Variants in UBN1 observed in about 807,000 individuals in gnomAD.
UBN1 encodes ubinuclein-1.
UBN1 carries 17 observed loss-of-function variants against 108.5 expected under a neutral mutation model. The observed-to-expected ratio is 0.16, with a 90% CI of 0.11 to 0.24. The LOEUF is 0.24. Ranked by LOEUF, UBN1 falls within the 10% of genes least tolerant of loss-of-function variation. UBN1 has a pLI of 1.00. For synonymous variants in UBN1, 726 were observed against 564.2 expected (o/e 1.29, Z -4.07); for missense variants, 1,595 against 1,394.4 (o/e 1.14, Z -2.29).
intron 10 of UBN1, 94 bp from the exon 11 acceptor site, chr16:4,870,750 C>A (rs2087589554): frequency 1.3e-6 from 2 of 1,590,162 alleles, no homozygotes; most frequent in African/African-American, 2.7e-5. Flanking sequence ...TTGGCCTTTT[C>A]TCCTTCTCTG....
intron 12 of UBN1, chr16:4,872,321 A>G (rs916755078): frequency 5.1e-6 from 5 of 985,300 alleles, no homozygotes; most frequent in Admixed American, 6.2e-5. Context: ...AAGCATCACC[A>G]TGAGAGGTTT....
chr16:4,866,652 A>C (rs567737173), intron 7 of UBN1, among the ~76,000 whole-genome samples: 5 of 152,234 alleles, frequency 3.3e-5, no homozygotes, highest in Non-Finnish European at 7.3e-5. Flanking sequence ...AGTTGGGACC[A>C]CAGGCATGCA....
At position 4,848,416 on chromosome 16, in the gene UBN1, G is replaced by C. The variant is rs542740611; in HGVS notation, c.-40+206G>C. The C allele has an allele frequency of 3.9e-5, 6 of 152,418 alleles. No homozygotes were observed. In the East Asian group the frequency reaches 7.7e-4, roughly 20 times the overall value. 9.4% of individuals were successfully genotyped at this position (152,418 alleles called of 1,614,324 possible). A position where few individuals can be genotyped will look rare whatever the true frequency, so the allele number is the denominator to read the frequency against. ...CAGGTAGAATCACAATTTTGCAAAA[G>C]ATCCCAGTCCCGATCACAGACTCCA... On this transcript the variant is annotated intron_variant, in intron 1 of 17. Coordinates refer to ENST00000262376, the MANE Select transcript of UBN1 (RefSeq NM_001079514.3).
chr16:4,868,956 T>C (rs1396545252), intron 8 of UBN1, 53 bp downstream of exon 8: 11 of 1,603,052 alleles, frequency 6.9e-6, no homozygotes, highest in South Asian at 4.5e-5. Context: ...ATTACTGAGC[T>C]TGGGGCAAGC....
intron 2 of UBN1, among the ~76,000 whole-genome samples, chr16:4,853,753 C>T (rs1180299242): frequency 6.6e-6 from 1 of 151,870 alleles, no homozygotes; most frequent in East Asian, 1.9e-4. Context: ...GTAGAGATGG[C>T]GTTTCACTGT....
At position 4,868,829 on chromosome 16, in the gene UBN1, C is replaced by A; in HGVS notation, c.1111-4C>A. 6.2e-7 allele frequency: 1 copy of A among 1,613,554 alleles called. No individual in the cohort carries two copies. The highest frequency in any genetic ancestry group is 8.5e-7 in the Non-Finnish European group (1 of 1,179,740). ...AACGGCTGTTACTGTCTGCTGTGCA[C>A]CAGGCTGCCAGAGCTGCTGAGGGGG... is the stretch of plus-strand genomic sequence containing the variant. On this transcript the variant is annotated splice_region_variant and splice_polypyrimidine_tract_variant and intron_variant, in intron 7 of 17. Coordinates refer to ENST00000262376, the MANE Select transcript of UBN1 (RefSeq NM_001079514.3).
chr16:4,873,184 C>T (rs900408941), intron 14 of UBN1, 111 bp downstream of exon 14: 2 of 1,444,092 alleles, frequency 1.4e-6, no homozygotes, highest in Middle Eastern at 1.9e-4. Flanking sequence ...CGTCTGGGGA[C>T]AGCTGCTCAG....
At chr16:4,859,674 G>A (rs2086971085) in intron 5 of UBN1, among the ~76,000 whole-genome samples, 191 bp from the exon 6 acceptor site, 2 of 152,182 alleles carry the variant, frequency 1.3e-5, no homozygotes. Flanking sequence ...AGCCCTGGGT[G>A]TTTCCAGGAG....
rs554792330 is a variant in UBN1, at chr16:4,877,785, T to A, written c.3355+311T>A. The A allele has an allele frequency of 1.2e-5, 13 of 1,107,206 alleles. No individual in the cohort carries two copies. The South Asian group carries it at 5.0e-4, about 43-fold the overall frequency. 68.6% of individuals were successfully genotyped at this position (1,107,206 alleles called of 1,614,324 possible). On this transcript the variant is annotated intron_variant, in intron 17 of 17. Coordinates refer to ENST00000262376, the MANE Select transcript of UBN1 (RefSeq NM_001079514.3). The surrounding 1 kb of genome is among the most constrained non-coding windows in gnomAD (Gnocchi z 4.3). ...GAGTTCCTAACCCTCGGCTTGTTTT[T>A]TTCTCTTCAGTTTAAAAAAAAAAAA...
At position 4,851,333 on chromosome 16, in the gene UBN1, C is replaced by G. The variant is rs143168311; in HGVS notation, c.-39-1546C>G. On this transcript the variant is annotated intron_variant, in intron 1 of 17. Transcript: ENST00000262376. ...TACAAAAATTAGCACGCCTGTAGTTCCAACTACTAGGGAGGCTGAGGTAGG... is the reference window on the plus strand; with the variant it reads ...TACAAAAATTAGCACGCCTGTAGTTGCAACTACTAGGGAGGCTGAGGTAGG... Among the ~76,000 whole-genome samples, 336 of 152,232 alleles carry G rather than the reference C, an allele frequency of 2.2e-3. 2 individuals are homozygous for G. Among genetic ancestry groups the G allele is most frequent in the African/African-American group, 7.7e-3 (321 of 41,544 alleles).
At position 4,877,333 on chromosome 16, in the gene UBN1, C is replaced by G. The variant is rs940665386; in HGVS notation, c.3266-52C>G. The G allele has an allele frequency of 6.3e-7, 1 of 1,575,156 alleles. No homozygotes were observed. The highest frequency in any genetic ancestry group is 1.8e-5 in the Admixed American group (1 of 56,648). ...GGCTGCTGGAGCTGCTTTCCTGTTC[C>G]TGTCTTCAATGTGTGTGTTTTGTTC... On this transcript the variant is annotated intron_variant, in intron 16 of 17. Coordinates refer to ENST00000262376, the MANE Select transcript of UBN1 (RefSeq NM_001079514.3). This position sits in a 1 kb window ranked among gnomAD's most constrained non-coding sequence, Gnocchi z 4.3.
At chr16:4,850,329 G>T (rs576738436) in intron 1 of UBN1, among the ~76,000 whole-genome samples, 1 of 152,192 alleles carries the variant, frequency 6.6e-6, no homozygotes, top group Non-Finnish European at 1.5e-5. Flanking sequence ...TGAAGCTGCA[G>T]TCTCTCAGAC....
At chr16:4,850,247 T>C (rs1246574855) in intron 1 of UBN1, among the ~76,000 whole-genome samples, 1 of 152,142 alleles carries the variant, frequency 6.6e-6, no homozygotes, top group Non-Finnish European at 1.5e-5. Flanking sequence ...TATCCTGTAG[T>C]CCTATTTTTT....
chr16:4,853,574 T>TC (rs1206751342), intron 2 of UBN1, among the ~76,000 whole-genome samples: 1 of 151,454 alleles, frequency 6.6e-6, no homozygotes, highest in Non-Finnish European at 1.5e-5. Context: ...TTTTTTTTTT[T>TC]CGAGACCGAG....
chr16:4,865,355 A>G (rs185006434), intron 7 of UBN1, among the ~76,000 whole-genome samples: 1 of 152,338 alleles, frequency 6.6e-6, no homozygotes, highest in Admixed American at 6.5e-5. Context: ...TTACATAGAA[A>G]GCTTCTGAAA....
intron 7 of UBN1, among the ~76,000 whole-genome samples, chr16:4,863,859 A>C (rs1315075906): frequency 6.6e-6 from 1 of 152,114 alleles, no homozygotes; most frequent in East Asian, 1.9e-4. Context: ...TGGTGGTCTC[A>C]GGGCAACATC....
intron 10 of UBN1, 68 bp from the exon 11 acceptor site, chr16:4,870,776 G>A: frequency 1.2e-6 from 2 of 1,604,908 alleles, no homozygotes; most frequent in Non-Finnish European, 1.7e-6. Flanking sequence ...TCCCAGTAGT[G>A]CAGAGTGAGG....
Position 4,852,093 on chromosome 16 carries a change from A to T in UBN1, c.-39-786A>T, listed in dbSNP as rs2086586681. 4 of 152,220 alleles carry T rather than the reference A, an allele frequency of 2.6e-5. No homozygotes were observed. The South Asian group carries it at 8.3e-4, about 31-fold the overall frequency. 9.4% of individuals were successfully genotyped at this position (152,220 alleles called of 1,614,324 possible). On this transcript the variant is annotated intron_variant, in intron 1 of 17. Transcript: ENST00000262376. ...TTGTATAAACAAGGCTGCAATGAATATCTTTATTTATTGGTATGGTAGAAA... is the reference window on the plus strand; with the variant it reads ...TTGTATAAACAAGGCTGCAATGAATTTCTTTATTTATTGGTATGGTAGAAA...
chr16:4,869,954 C>G (rs996310414), intron 8 of UBN1, among the ~76,000 whole-genome samples: 1 of 152,176 alleles, frequency 6.6e-6, no homozygotes, highest in South Asian at 2.1e-4. Context: ...AGCTTGTTCT[C>G]CTGGGCTCTG....
Sources: gnomAD v4.1 joint callset for allele counts (sites outside exome capture counted in the v4.1 genomes callset) on GRCh38, gnomAD v4.1.1 for gene constraint, Gnocchi (gnomAD v3.1) non-coding constraint, MANE v1.5 for transcripts, NCBI Gene and HGNC (gene_info 2026-07-23, HGNC 2026-07-21) for gene names.